CLOCK: variants seen among roughly 807,000 people sequenced by gnomAD.
CLOCK encodes circadian locomoter output cycles protein kaput.
In CLOCK, 43 loss-of-function variants were observed where a neutral mutation model predicts 118.4. That is an observed-to-expected ratio of 0.36 (90% CI 0.28 to 0.47). The LOEUF is 0.47. CLOCK is among the 20% of genes least tolerant of loss of function. The pLI is 1.00. For missense variants in CLOCK, 846 were observed against 999.9 expected (o/e 0.85, Z 2.08); for synonymous variants, 326 against 339.2 (o/e 0.96, Z 0.43).
At chr4:55,456,131 T>C (rs986264794) in intron 12 of CLOCK, 87 bp downstream of exon 12, 3 of 1,328,030 alleles carry the variant, frequency 2.3e-6, no homozygotes, top group South Asian at 1.3e-5. Flanking sequence ...AGTCCTAATT[T>C]AAAAAAAAGT....
In CLOCK at chr4:55,431,641, A is replaced by C. The variant is rs184147609; in HGVS notation, c.*3774T>G. On this transcript the variant is annotated 3_prime_UTR_variant, in exon 23 of 23. Transcript: ENST00000513440. Reference sequence around the variant, plus strand: ...GGGACTAAGGGCCACAGGTAATTGGAAAGGTTATAGACTTGAATGCGTTTT... The same window carrying C: ...GGGACTAAGGGCCACAGGTAATTGGCAAGGTTATAGACTTGAATGCGTTTT... 6.6e-6 allele frequency: 1 copy of C among 152,326 alleles called. No homozygotes were observed. 9.4% of individuals were successfully genotyped at this position (152,326 alleles called of 1,614,324 possible).
At chr4:55,528,062 A>T (rs1011263850) in intron 1 of CLOCK, among the ~76,000 whole-genome samples, 6 of 151,628 alleles carry the variant, frequency 4.0e-5, no homozygotes, top group Non-Finnish European at 8.8e-5. Flanking sequence ...TATGTTTTAA[A>T]ATAAATATAT....
chr4:55,449,159 G>A (rs1169980535), intron 17 of CLOCK, among the ~76,000 whole-genome samples: 1 of 119,314 alleles, frequency 8.4e-6, no homozygotes, highest in Non-Finnish European at 1.7e-5. Flanking sequence ...TCAATTTTGA[G>A]CTTTCCACAA....
Position 55,463,656 on chromosome 4 carries a change from G to T in CLOCK, c.559+29C>A. The T allele has an allele frequency of 1.9e-6, 3 of 1,611,192 alleles. No homozygotes were observed. The South Asian group carries it at 3.3e-5, about 18-fold the overall frequency. On this transcript the variant is annotated intron_variant, in intron 9 of 22. Coordinates refer to ENST00000513440, the MANE Select transcript of CLOCK (RefSeq NM_004898.4). ...GATAGTGCTACTGAATACAACATTT[G>T]ACTTTTTTGCTTAACAGCTACTACT...
chr4:55,442,534 G>C lies in CLOCK; in HGVS notation c.2003C>G (p.Ser668Cys). Residue 668 changes from serine (S) to cysteine (C), a missense_variant, in exon 21 of 23, where the codon TCT (serine) becomes TGT (cysteine). By Grantham distance (112) the Ser-to-Cys change is moderately radical. Coordinates refer to ENST00000513440, the MANE Select transcript of CLOCK (RefSeq NM_004898.4). ...TAPLYNTMVISQPAAGSMVQI... is the reference protein window; with the variant it reads ...TAPLYNTMVICQPAAGSMVQI... The stretch of plus-strand genomic sequence containing the variant: ...GACCATGCTTCCGGCTGCAGGCTGA[G>C]AAATCACCATAGTGTTATACAGTGG... 1 of 1,610,672 alleles carries C rather than the reference G, an allele frequency of 6.2e-7. No individual in the cohort carries two copies. Among genetic ancestry groups the C allele is most frequent in the South Asian group, 1.1e-5 (1 of 90,734 alleles).
chr4:55,499,911 C>G (rs1302031946), intron 2 of CLOCK, among the ~76,000 whole-genome samples: 2 of 152,188 alleles, frequency 1.3e-5, no homozygotes, highest in Non-Finnish European at 2.9e-5. Context: ...CTCTTTGAGA[C>G]TTCCAAAGCA....
At chr4:55,544,123 TA>T (rs914527820) in intron 1 of CLOCK, among the ~76,000 whole-genome samples, 1 of 148,700 alleles carries the variant, frequency 6.7e-6, no homozygotes, top group Non-Finnish European at 1.5e-5. Flanking sequence ...AATCCAGTCC[TA>T]AAAAAATGTT....
At chr4:55,454,896 G>A (rs1050455227) in intron 13 of CLOCK, among the ~76,000 whole-genome samples, 2 of 148,504 alleles carry the variant, frequency 1.3e-5, no homozygotes, top group Non-Finnish European at 3.0e-5. Flanking sequence ...CTCTAAGGAG[G>A]AAATCAAGGT....
At chr4:55,451,603 T>TA (rs375862209) in intron 15 of CLOCK, among the ~76,000 whole-genome samples, 1 of 152,292 alleles carries the variant, frequency 6.6e-6, no homozygotes, top group Non-Finnish European at 1.5e-5. Context: ...AAAGTAGACA[T>TA]AGCTGGTGTG....
rs913763146 is a variant in CLOCK, at chr4:55,432,185, G to C, written c.*3230C>G. 6.6e-6 allele frequency: 1 copy of C among 152,134 alleles called. No individual in the cohort carries two copies. Among genetic ancestry groups the C allele is most frequent in the Non-Finnish European group, 1.5e-5 (1 of 68,022 alleles). 9.4% of individuals were successfully genotyped at this position (152,134 alleles called of 1,614,324 possible). ...CGTAGTATTTACTCACATGCTACCT[G>C]CATCTCCCATACTTTTCTCCAATAT... On this transcript the variant is annotated 3_prime_UTR_variant, in exon 23 of 23. Transcript: ENST00000513440.
At chr4:55,542,820 T>G (rs1577887298) in intron 1 of CLOCK, among the ~76,000 whole-genome samples, 1 of 151,802 alleles carries the variant, frequency 6.6e-6, no homozygotes, top group African/African-American at 2.4e-5. Flanking sequence ...TTCGTAGGAG[T>G]CTGCAAGCAA....
rs770787465 is a variant in CLOCK, at chr4:55,476,092, C to A, written c.257-38G>T. 5 of 1,337,740 alleles carry A rather than the reference C, an allele frequency of 3.7e-6. No individual in the cohort carries two copies. In the East Asian group the frequency reaches 9.2e-5, roughly 25 times the overall value. The allele number at this position is 1,337,740 out of a possible 1,614,324, so 82.9% of individuals were successfully genotyped here. On this transcript the variant is annotated intron_variant, in intron 6 of 22. Transcript: ENST00000513440. ...TGACATATTAGTGGCATACTCCAAC[C>A]ACCGGAGGAGTACAAAAGCCCTACA...
At chr4:55,453,384 T>C in intron 14 of CLOCK, 1 of 493,828 alleles carries the variant, frequency 2.0e-6, no homozygotes, top group Non-Finnish European at 3.6e-6. Context: ...ATAAAGGAAG[T>C]GTATGCTTAT....
chr4:55,507,157 TAAAC>T (rs902628140), intron 2 of CLOCK, among the ~76,000 whole-genome samples: 1 of 151,926 alleles, frequency 6.6e-6, no homozygotes, highest in Admixed American at 6.6e-5. Context: ...CTACAAAAAA[TAAAC>T]AAAGTTAGCT....
intron 1 of CLOCK, among the ~76,000 whole-genome samples, chr4:55,514,609 T>C (rs949623518): frequency 6.6e-6 from 1 of 152,000 alleles, no homozygotes. Flanking sequence ...TTTTTTTAAA[T>C]CATGAATGGG....
chr4:55,518,745 T>C (rs1037220642), intron 1 of CLOCK, among the ~76,000 whole-genome samples: 1 of 152,208 alleles, frequency 6.6e-6, no homozygotes, highest in African/African-American at 2.4e-5. Context: ...TACTAGCACC[T>C]TGATTTTGGA....
intron 1 of CLOCK, among the ~76,000 whole-genome samples, chr4:55,529,540 G>C (rs1013318337): frequency 1.6e-4 from 24 of 151,898 alleles, no homozygotes; most frequent in Non-Finnish European, 2.9e-5. Flanking sequence ...TCTCAAAATA[G>C]AACAAAGTAT....
In CLOCK at chr4:55,450,207, C is replaced by T. The variant is rs773798818; in HGVS notation, c.1232G>A (p.Arg411His). ...DKSQDSGSDN[R>H]INTVSLKEAL... ...TTCCTTGAGACTGACTGTGTTTATA[C>T]GATTATCTGACCCAGAATCTTGGCT... The change falls in exon 16 of 23, where the codon CGT becomes CAT. Residue 411 changes from arginine (R) to histidine (H), a missense_variant. Around this residue, in one of 4 missense-constraint regions of CLOCK, gnomAD observed 520 missense variants for 558.0 expected, o/e 0.93. Coordinates refer to ENST00000513440, the MANE Select transcript of CLOCK (RefSeq NM_004898.4). 2.7e-5 allele frequency: 43 copies of T among 1,613,726 alleles called. No homozygotes were observed. Among genetic ancestry groups the T allele is most frequent in the Admixed American group, 6.7e-5 (4 of 59,986 alleles).
intron 7 of CLOCK, among the ~76,000 whole-genome samples, chr4:55,472,841 G>T (rs1190243213): frequency 1.3e-5 from 2 of 151,812 alleles, no homozygotes; most frequent in Non-Finnish European, 1.5e-5. Flanking sequence ...TGCTAATATA[G>T]AAGTAGAAAT....
Sources: allele counts gnomAD v4.1 joint callset (sites outside exome capture counted in the v4.1 genomes callset), GRCh38; gene constraint gnomAD v4.1.1; regional missense constraint gnomAD v4.1.1; transcripts MANE v1.5; gene names NCBI Gene and HGNC (gene_info 2026-07-23, HGNC 2026-07-21).